The following MON1A variants were observed in gnomAD, a reference collection of about 807,000 sequenced individuals.
MON1A encodes the protein MON1 vesicular trafficking associated A.
Under a neutral mutation model 44.6 loss-of-function variants are expected in MON1A, and 29 were observed. That is an observed-to-expected ratio of 0.65 (90% CI 0.48 to 0.89). MON1A has a LOEUF of 0.89. Ranked by LOEUF, MON1A falls within the 40% of genes least tolerant of loss-of-function variation. MON1A has a pLI of 0.00. For missense variants in MON1A, 615 were observed against 759.6 expected (o/e 0.81, Z 2.24); for synonymous variants, 275 against 316.4 (o/e 0.87, Z 1.39).
Position 49,909,675 on chromosome 3 carries a change from C to A in MON1A, c.1380-275G>T. The A allele has an allele frequency of 2.2e-6, 1 of 453,576 alleles. No individual in the cohort carries two copies. The highest frequency in any genetic ancestry group is 3.5e-5 in the South Asian group (1 of 28,792). The allele number at this position is 453,576 out of a possible 1,614,324, so 28.1% of individuals were successfully genotyped here. A position where few individuals can be genotyped will look rare whatever the true frequency, so the allele number is the denominator to read the frequency against. On this transcript the variant is annotated intron_variant, in intron 4 of 5. Transcript: ENST00000296473. This position sits in a 1 kb window ranked among gnomAD's most constrained non-coding sequence, Gnocchi z 4.0. ...AGAGGCCAGGTTGAGTTTAGATGTC[C>A]AAGACAGAGTGACAGATCTGGAGTA...
chr3:49,926,508 G>C (rs921990367), intron 1 of MON1A, among the ~76,000 whole-genome samples: 2 of 152,276 alleles, frequency 1.3e-5, no homozygotes, highest in Middle Eastern at 3.4e-3. Flanking sequence ...CCAGGCTGGA[G>C]TGCAGTGATG....
intron 1 of MON1A, among the ~76,000 whole-genome samples, chr3:49,923,206 T>C (rs928624068): frequency 1.3e-5 from 2 of 151,130 alleles, no homozygotes; most frequent in Middle Eastern, 3.2e-3. Flanking sequence ...CCGGGTGTGG[T>C]GGCGCATGCC....
chr3:49,921,305 C>G (rs2082994268), intron 1 of MON1A, among the ~76,000 whole-genome samples: 1 of 151,074 alleles, frequency 6.6e-6, no homozygotes, highest in African/African-American at 2.4e-5. Context: ...CTACAGACGC[C>G]TGCCACCACA....
intron 1 of MON1A, chr3:49,920,494 G>C (rs552242650): frequency 1.3e-5 from 2 of 152,126 alleles, no homozygotes; most frequent in African/African-American, 4.8e-5. Flanking sequence ...ACATTTAACT[G>C]TCTACTTCAT....
intron 1 of MON1A, among the ~76,000 whole-genome samples, chr3:49,919,086 A>G (rs1161207196): frequency 6.6e-6 from 1 of 152,146 alleles, no homozygotes; most frequent in African/African-American, 2.4e-5. Context: ...GGGAAGCTGA[A>G]GTGGGAGAAT....
rs1272667175 is a variant in MON1A, at chr3:49,909,122, G to A, written c.1560C>T (p.Tyr520=). The change falls in exon 6 of 6, where the codon TAC becomes TAT. Residue 520 remains tyrosine, a synonymous_variant. Transcript: ENST00000296473. The surrounding 1 kb of genome is among the most constrained non-coding windows in gnomAD (Gnocchi z 4.0). ...VTGAFELYMC[Y]SPLGTKASAV... ...CTGACGCCTTGGTCCCCAGGGGGCT[G>A]TAACACATGTAGAGCTCAAAGGCGC... 5.6e-6 allele frequency: 9 copies of A among 1,613,104 alleles called. No homozygotes were observed. Among genetic ancestry groups the A allele is most frequent in the South Asian group, 1.1e-5 (1 of 91,002 alleles).
rs2083041618 is a variant in MON1A, at chr3:49,925,002, C to G, written c.-14+4607G>C. ...AAGCCACTCCCAAATTCTTGACCCACAAGAACTGTATGAGATAATAAATAT... is the reference window on the plus strand; with the variant it reads ...AAGCCACTCCCAAATTCTTGACCCAGAAGAACTGTATGAGATAATAAATAT... On this transcript the variant is annotated intron_variant, in intron 1 of 5. Transcript: ENST00000296473. Among the ~76,000 whole-genome samples the G allele has an allele frequency of 2.6e-5, 4 of 152,312 alleles. 1 individual carries two copies. In the South Asian group the frequency reaches 8.3e-4, roughly 32 times the overall value.
chr3:49,909,979 T>A lies in MON1A; in HGVS notation c.1379+140A>T. Reference sequence around the variant, plus strand: ...AGAGTCTGGGTCTCTGGTGCCAGAGTAAAACAGGCCCAGCACACTGGTCTG... The same window carrying A: ...AGAGTCTGGGTCTCTGGTGCCAGAGAAAAACAGGCCCAGCACACTGGTCTG... On this transcript the variant is annotated intron_variant, in intron 4 of 5. Coordinates refer to ENST00000296473, the MANE Select transcript of MON1A (RefSeq NM_032355.4). The surrounding 1 kb of genome is among the most constrained non-coding windows in gnomAD (Gnocchi z 4.0). 1.1e-6 allele frequency: 1 copy of A among 943,190 alleles called. No homozygotes were observed. 58.4% of individuals were successfully genotyped at this position (943,190 alleles called of 1,614,324 possible).
chr3:49,909,997 C>T lies in MON1A; in HGVS notation c.1379+122G>A. ...GCCAGAGTAAAACAGGCCCAGCACA[C>T]TGGTCTGCTTCCAAAGGTAGGGACA... On this transcript the variant is annotated intron_variant, in intron 4 of 5. Transcript: ENST00000296473. The surrounding 1 kb of genome is among the most constrained non-coding windows in gnomAD (Gnocchi z 4.0). The T allele has an allele frequency of 8.8e-7, 1 of 1,140,412 alleles. No individual in the cohort carries two copies. The highest frequency in any genetic ancestry group is 1.3e-6 in the Non-Finnish European group (1 of 795,966). The allele number at this position is 1,140,412 out of a possible 1,614,324, so 70.6% of individuals were successfully genotyped here.
In MON1A at chr3:49,911,939, G is replaced by A; in HGVS notation, c.200C>T (p.Ala67Val). The change falls in exon 3 of 6, where the codon GCA becomes GTA. Residue 67 changes from alanine (A) to valine (V), a missense_variant. Physicochemically the swap from Ala to Val is moderately conservative, Grantham distance 64 (BLOSUM62 0). Transcript: ENST00000296473. This position sits in a 1 kb window ranked among gnomAD's most constrained non-coding sequence, Gnocchi z 5.7. ...CTCCTTGTGGCTGTCCCCAGAAGCT[G>A]CCCCATCCTCTGACTCAGTCAGGTC... ...YEDLTESEDGAASGDSHKEGT... is the reference protein window; with the variant it reads ...YEDLTESEDGVASGDSHKEGT... 1 of 1,613,368 alleles carries A rather than the reference G, an allele frequency of 6.2e-7. No individual in the cohort carries two copies. Among genetic ancestry groups the A allele is most frequent in the Non-Finnish European group, 8.5e-7 (1 of 1,179,714 alleles).
In MON1A at chr3:49,908,954, G is replaced by A; in HGVS notation, c.*60C>T. On this transcript the variant is annotated 3_prime_UTR_variant, in exon 6 of 6. Coordinates refer to ENST00000296473, the MANE Select transcript of MON1A (RefSeq NM_032355.4). ...CAAGAGAGGCCAGCCCCCATCTGGAGGCTCCTATGGCTTCCCACACCTAGT... is the reference window on the plus strand; with the variant it reads ...CAAGAGAGGCCAGCCCCCATCTGGAAGCTCCTATGGCTTCCCACACCTAGT... 1 of 1,539,702 alleles carries A rather than the reference G, an allele frequency of 6.5e-7. No homozygotes were observed. Among genetic ancestry groups the A allele is most frequent in the Admixed American group, 2.0e-5 (1 of 50,262 alleles).
rs745397828 is a variant in MON1A, at chr3:49,910,240, G to C, written c.1258C>G (p.Arg420Gly). Residue 420 changes from arginine (R) to glycine (G), a missense_variant, in exon 4 of 6, where the codon CGC (arginine) becomes GGC (glycine). Coordinates refer to ENST00000296473, the MANE Select transcript of MON1A (RefSeq NM_032355.4). This position sits in a 1 kb window ranked among gnomAD's most constrained non-coding sequence, Gnocchi z 8.0. ...TCTCGCAGGGCCAGGTGGGCTCCGCGCTTGCGAAGGCGCTCCTGGAAGCGG... is the reference window on the plus strand; with the variant it reads ...TCTCGCAGGGCCAGGTGGGCTCCGCCCTTGCGAAGGCGCTCCTGGAAGCGG... ...RRRFQERLRK[R>G]GAHLALREAL... The C allele has an allele frequency of 1.2e-6, 2 of 1,614,000 alleles. No homozygotes were observed. Among genetic ancestry groups the C allele is most frequent in the Admixed American group, 1.7e-5 (1 of 60,010 alleles).
Position 49,929,607 on chromosome 3 carries a change from A to T in MON1A, c.-14+2T>A, listed in dbSNP as rs1040692385. On this transcript the variant is annotated splice_donor_variant, in intron 1 of 5. Coordinates refer to ENST00000296473, the MANE Select transcript of MON1A (RefSeq NM_032355.4). LOFTEE classifies it low-confidence loss of function (5UTR_SPLICE). ...GGCCACGTGGGCTGGCAGTCAACTC[A>T]CCTGTTTCTCAGAGGAGTCCAGGAC... The T allele has an allele frequency of 6.4e-7, 1 of 1,551,364 alleles. No individual in the cohort carries two copies. Among genetic ancestry groups the T allele is most frequent in the South Asian group, 1.2e-5 (1 of 84,042 alleles).
At chr3:49,918,417 CTTT>C (rs530137835) in intron 1 of MON1A, among the ~76,000 whole-genome samples, 1 of 145,740 alleles carries the variant, frequency 6.9e-6, no homozygotes, top group Non-Finnish European at 1.5e-5. Flanking sequence ...GGCCTTCCCT[CTTT>C]TTTTTTTTTG....
At chr3:49,922,773 A>G (rs1029792821) in intron 1 of MON1A, among the ~76,000 whole-genome samples, 2 of 150,656 alleles carry the variant, frequency 1.3e-5, no homozygotes, top group Middle Eastern at 3.4e-3. Context: ...ATCTCAGCTC[A>G]CCGCAACAGT....
chr3:49,925,994 T>C (rs1575481273), intron 1 of MON1A, among the ~76,000 whole-genome samples: 1 of 152,206 alleles, frequency 6.6e-6, no homozygotes, highest in South Asian at 2.1e-4. Flanking sequence ...AGTGATTCTC[T>C]TGATACAGAA....
In MON1A at chr3:49,910,115, T is replaced by C; in HGVS notation, c.1379+4A>G. 1 of 1,582,692 alleles carries C rather than the reference T, an allele frequency of 6.3e-7. No homozygotes were observed. Among genetic ancestry groups the C allele is most frequent in the Non-Finnish European group, 8.6e-7 (1 of 1,160,994 alleles). On this transcript the variant is annotated splice_donor_region_variant and intron_variant, in intron 4 of 5. Transcript: ENST00000296473. The surrounding 1 kb of genome is among the most constrained non-coding windows in gnomAD (Gnocchi z 8.0). The stretch of plus-strand genomic sequence containing the variant: ...ACAGCAGTGCCCTCAAGGCCCTCCC[T>C]CACCTGGTGAAGAGTCCCGAGCTCT...
At chr3:49,923,328 G>A (rs533370150) in intron 1 of MON1A, among the ~76,000 whole-genome samples, 5 of 135,580 alleles carry the variant, frequency 3.7e-5, no homozygotes, top group Middle Eastern at 3.6e-3. Flanking sequence ...CGAGACTCTG[G>A]GAGGGAAGGA....
chr3:49,927,844 T>C lies in MON1A; in HGVS notation c.-14+1765A>G, dbSNP rs1289370560. On this transcript the variant is annotated intron_variant, in intron 1 of 5. Transcript: ENST00000296473. The stretch of plus-strand genomic sequence containing the variant: ...TGAACCCAGGGGGCAGAGGTTGCAG[T>C]GAGCTGATATCGCGCCATTGCACTC... 2.6e-5 allele frequency among the ~76,000 whole-genome samples: 4 copies of C among 151,416 alleles called. No individual in the cohort carries two copies. In the East Asian group the frequency reaches 7.7e-4, roughly 29 times the overall value.
Sources: gnomAD v4.1 joint callset for allele counts (sites outside exome capture counted in the v4.1 genomes callset) on GRCh38, gnomAD v4.1.1 for gene constraint, Gnocchi (gnomAD v3.1) non-coding constraint, MANE v1.5 for transcripts, NCBI Gene and HGNC (gene_info 2026-07-23, HGNC 2026-07-21) for gene names.